SLC9A3: variants seen among roughly 807,000 people sequenced by gnomAD.
SLC9A3 encodes solute carrier family 9 member A3, also known as sodium/hydrogen exchanger 3.
SLC9A3 carries 37 observed loss-of-function variants against 86.8 expected under a neutral mutation model. The ratio of observed to expected loss-of-function variants is 0.43; its 90% CI spans 0.33 to 0.56. The LOEUF (loss-of-function observed/expected upper bound fraction) is 0.56, where lower values mean the gene tolerates loss of function less well. Among genes scored for constraint, SLC9A3 ranks in the 20% least tolerant of loss-of-function variants. The pLI, the probability that SLC9A3 is intolerant of heterozygous loss-of-function variation, is 0.06. For missense variants in SLC9A3, 1,011 were observed against 1,171.9 expected (o/e 0.86, Z 2.00); for synonymous variants, 581 against 528.3 (o/e 1.10, Z -1.37).
At chr5:479,427 C>T (rs1049500053) in intron 10 of SLC9A3, 8 of 200,842 alleles carry the variant, frequency 4.0e-5, no homozygotes, top group African/African-American at 9.5e-5. Flanking sequence ...CGGCCCACAG[C>T]GGGAGACGGC....
chr5:490,299 A>G (rs533249282), intron 2 of SLC9A3, among the ~76,000 whole-genome samples: 2 of 152,002 alleles, frequency 1.3e-5, no homozygotes, highest in African/African-American at 2.4e-5. Flanking sequence ...AGGACGGTAG[A>G]GTCCAGCGTG....
In SLC9A3 at chr5:483,037, CCT is replaced by C. The variant is rs151066385; in HGVS notation, c.1153+223_1153+224del. On this transcript the variant is annotated intron_variant, in intron 6 of 16. Transcript: ENST00000264938. Reference sequence around the variant, plus strand: ...CCGTTCCATCTCTCGTGCCACTGACCCTGTCTTGAGGCACATCCAGTGGAGTC... The same window carrying C: ...CCGTTCCATCTCTCGTGCCACTGACCGTCTTGAGGCACATCCAGTGGAGTC... Among the ~76,000 whole-genome samples the C allele has an allele frequency of 3.7e-3, 562 of 152,136 alleles. 5 individuals carry two copies. The highest frequency in any genetic ancestry group is 0.013 in the African/African-American group (529 of 41,496).
Position 473,242 on chromosome 5 carries a change from TG to T in SLC9A3, c.*136del. 1.0e-6 allele frequency: 1 copy of T among 976,502 alleles called. No homozygotes were observed. Among genetic ancestry groups the T allele is most frequent in the Non-Finnish European group, 1.3e-6 (1 of 756,946 alleles). The allele number at this position is 976,502 out of a possible 1,614,324, so 60.5% of individuals were successfully genotyped here. On this transcript the variant is annotated 3_prime_UTR_variant, in exon 17 of 17. Transcript: ENST00000264938. The stretch of plus-strand genomic sequence containing the variant: ...TCGGAGTTCTGCGCAGGCGCTGGCG[TG>T]GGCGAGGCGGGGCTCGGGGCTCGCG...
chr5:494,208 G>A (rs749371750), intron 1 of SLC9A3, among the ~76,000 whole-genome samples: 31 of 152,342 alleles, frequency 2.0e-4, no homozygotes, highest in South Asian at 1.5e-3. Flanking sequence ...CGCGTGCCCC[G>A]ACAGCCCCGT....
At chr5:523,681 GGTA>G (rs1733950231) in intron 1 of SLC9A3, among the ~76,000 whole-genome samples, 1 of 151,942 alleles carries the variant, frequency 6.6e-6, no homozygotes. Context: ...GTTTCATGCG[GGTA>G]GCACCGCTTT....
chr5:476,052 C>T lies in SLC9A3; in HGVS notation c.2108G>A (p.Ser703Asn). The T allele has an allele frequency of 6.2e-7, 1 of 1,613,264 alleles. No homozygotes were observed. Among genetic ancestry groups the T allele is most frequent in the Non-Finnish European group, 8.5e-7 (1 of 1,179,864 alleles). ...CTTGATGGTGAAATTCTGCGCAGGG[C>T]TCTCCATGGGCAGCTTCCCATTGGG... ...SIPNGKLPME[S>N]PAQNFTIKEK... Residue 703 changes from serine to asparagine, a missense_variant, in exon 14 of 17, where the codon AGC becomes AAC. By Grantham distance (46) the Ser-to-Asn change is conservative (BLOSUM62 1). Transcript: ENST00000264938.
chr5:509,299 C>A (rs558909313), intron 1 of SLC9A3, among the ~76,000 whole-genome samples: 46 of 151,740 alleles, frequency 3.0e-4, no homozygotes, highest in Non-Finnish European at 5.3e-4. Context: ...AAGTAAATTA[C>A]AAAAATTAGC....
intron 1 of SLC9A3, among the ~76,000 whole-genome samples, chr5:523,242 T>C (rs1733937790): frequency 6.6e-6 from 1 of 152,130 alleles, no homozygotes; most frequent in Non-Finnish European, 1.5e-5. Flanking sequence ...CTCTCAGCTG[T>C]TCTCCCCGGA....
intron 1 of SLC9A3, among the ~76,000 whole-genome samples, chr5:505,050 G>A (rs1306473117): frequency 4.0e-5 from 6 of 151,746 alleles, no homozygotes; most frequent in African/African-American, 7.3e-5. Context: ...TCAGAACAGC[G>A]TGGACGCAGT....
At chr5:475,377 C>T in intron 15 of SLC9A3, 184 bp downstream of exon 15, 1 of 618,568 alleles carries the variant, frequency 1.6e-6, no homozygotes, top group Non-Finnish European at 2.8e-6. Flanking sequence ...GCCCACGTCT[C>T]CCCGGACAGC....
At chr5:488,726 T>A (rs1739584214) in intron 2 of SLC9A3, among the ~76,000 whole-genome samples, 1 of 152,268 alleles carries the variant, frequency 6.6e-6, no homozygotes, top group South Asian at 2.1e-4. Context: ...GCCCTGGCCC[T>A]CTCCTTCATC....
intron 1 of SLC9A3, among the ~76,000 whole-genome samples, chr5:502,092 C>T (rs998750944): frequency 9.8e-5 from 15 of 152,374 alleles, no homozygotes; most frequent in Non-Finnish European, 1.8e-4. Context: ...CAAACCTGGT[C>T]GGTTTTTAAA....
intron 1 of SLC9A3, among the ~76,000 whole-genome samples, chr5:498,731 G>A (rs544781031): frequency 2.0e-5 from 3 of 152,198 alleles, no homozygotes; most frequent in African/African-American, 4.8e-5. Flanking sequence ...GCTTGTGCCC[G>A]CCGTGGAAGG....
At position 471,090 on chromosome 5, in the gene SLC9A3, T is replaced by G. The variant is rs1172715358; in HGVS notation, c.*2289A>C. The G allele has an allele frequency of 6.5e-6, 1 of 153,000 alleles. No homozygotes were observed. The highest frequency in any genetic ancestry group is 1.5e-5 in the Non-Finnish European group (1 of 68,542). The allele number at this position is 153,000 out of a possible 1,614,324, so 9.5% of individuals were successfully genotyped here. On this transcript the variant is annotated 3_prime_UTR_variant, in exon 17 of 17. Coordinates refer to ENST00000264938, the MANE Select transcript of SLC9A3 (RefSeq NM_004174.4). ...GGTGTTCTCACTCTGGTTCCGTGTT[T>G]GTGTTTAGCCTGTGCAATTCTCGTC...
chr5:479,985 G>A lies in SLC9A3; in HGVS notation c.1518-20C>T. 1.2e-6 allele frequency: 2 copies of A among 1,608,676 alleles called. No individual in the cohort carries two copies. The highest frequency in any genetic ancestry group is 1.7e-6 in the Non-Finnish European group (2 of 1,176,100). ...GACCACCTGTAGGGACAGACCTTGG[G>A]TGTGAGCCTCAGGTGACAGGCGCCC... On this transcript the variant is annotated intron_variant, in intron 9 of 16. Transcript: ENST00000264938.
intron 1 of SLC9A3, among the ~76,000 whole-genome samples, chr5:506,626 G>A (rs185530266): frequency 1.3e-5 from 2 of 152,208 alleles, no homozygotes; most frequent in Admixed American, 1.3e-4. Context: ...GTTTTAACCC[G>A]TGCAGAGCTG....
rs1204478535 is a variant in SLC9A3 at position 477,723 on chromosome 5, G to C, written c.1648-279C>G. ...AGGACACAGTGGTCTGAGTGTGAAGGGGTAAAGCTGCCTGGGACTTGGGAT... is the reference window on the plus strand; with the variant it reads ...AGGACACAGTGGTCTGAGTGTGAAGCGGTAAAGCTGCCTGGGACTTGGGAT... On this transcript the variant is annotated intron_variant, in intron 10 of 16. Coordinates refer to ENST00000264938, the MANE Select transcript of SLC9A3 (RefSeq NM_004174.4). The C allele has an allele frequency of 4.3e-5, 17 of 392,414 alleles. No homozygotes were observed. The Admixed American group carries it at 7.7e-4, about 18-fold the overall frequency. The allele number at this position is 392,414 out of a possible 1,614,324, so 24.3% of individuals were successfully genotyped here. A position where few individuals can be genotyped will look rare whatever the true frequency, so the allele number is the denominator to read the frequency against.
rs935364504 is a variant in SLC9A3 at position 491,418 on chromosome 5, G to T, written c.514+351C>A. Among the ~76,000 whole-genome samples the T allele has an allele frequency of 1.3e-5, 2 of 152,288 alleles. No homozygotes were observed. Among genetic ancestry groups the T allele is most frequent in the Non-Finnish European group, 2.9e-5 (2 of 68,012 alleles). On this transcript the variant is annotated intron_variant, in intron 2 of 16. Transcript: ENST00000264938. The surrounding 1 kb of genome is among the most constrained non-coding windows in gnomAD (Gnocchi z 9.2). ...GGAGGGACGGTGCCCGATACACCAGGCTCTGCAGTCCTCCTCCTCTCCCTG... is the reference window on the plus strand; with the variant it reads ...GGAGGGACGGTGCCCGATACACCAGTCTCTGCAGTCCTCCTCCTCTCCCTG...
chr5:473,850 C>T (rs1055211858), intron 16 of SLC9A3, among the ~76,000 whole-genome samples: 4 of 152,214 alleles, frequency 2.6e-5, no homozygotes, highest in Non-Finnish European at 5.9e-5. Context: ...TCCCTGTATC[C>T]CTGTGAGAGG....
Sources: allele counts gnomAD v4.1 joint callset (sites outside exome capture counted in the v4.1 genomes callset), GRCh38; gene constraint gnomAD v4.1.1; non-coding constraint Gnocchi (gnomAD v3.1); transcripts MANE v1.5; gene names NCBI Gene and HGNC (gene_info 2026-07-23, HGNC 2026-07-21).